The following JAZF1 variants were observed in gnomAD, a reference collection of about 807,000 sequenced individuals.
JAZF1 encodes JAZF zinc finger 1, also known as juxtaposed with another zinc finger protein 1.
Under a neutral mutation model 26.4 loss-of-function variants are expected in JAZF1, and 8 were observed. That is an observed-to-expected ratio of 0.30 (90% confidence interval 0.18 to 0.55). The LOEUF (loss-of-function observed/expected upper bound fraction) is 0.55. Among genes scored for constraint, JAZF1 ranks in the 20% least tolerant of loss-of-function variants. The pLI, the probability that JAZF1 is intolerant of heterozygous loss-of-function variation, is 0.94. For missense variants in JAZF1, 199 were observed against 322.0 expected (o/e 0.62, Z 2.92); for synonymous variants, 126 against 122.3 (o/e 1.03, Z -0.20).
chr7:28,160,212 G>A (rs1419819070), intron 1 of JAZF1, among the ~76,000 whole-genome samples: 2 of 152,044 alleles, frequency 1.3e-5, no homozygotes. Flanking sequence ...AAGGCTCCAG[G>A]ATATGGGGGT....
chr7:27,932,383 G>A (rs888146657), intron 2 of JAZF1, among the ~76,000 whole-genome samples: 1 of 152,120 alleles, frequency 6.6e-6, no homozygotes, highest in African/African-American at 2.4e-5. Context: ...GTGTTTGATA[G>A]GTGCTCCCAC....
chr7:27,901,740 A>G (rs1214377614), intron 2 of JAZF1, among the ~76,000 whole-genome samples: 3 of 152,192 alleles, frequency 2.0e-5, no homozygotes, highest in Non-Finnish European at 4.4e-5. Context: ...GGGCAAAGAA[A>G]CTGGTGGCCT....
At chr7:28,089,268 G>A (rs536100435) in intron 1 of JAZF1, among the ~76,000 whole-genome samples, 1 of 152,286 alleles carries the variant, frequency 6.6e-6, no homozygotes, top group East Asian at 1.9e-4. Flanking sequence ...GAGGGGACTT[G>A]AGAGAACTTG....
intron 2 of JAZF1, among the ~76,000 whole-genome samples, chr7:27,983,520 T>C (rs1361525543): frequency 1.3e-5 from 2 of 151,970 alleles, no homozygotes; most frequent in East Asian, 1.9e-4. Context: ...AACTGGAAAA[T>C]ACTCTGCAGG....
chr7:27,832,813 T>G lies in JAZF1; in HGVS notation c.719A>C (p.Lys240Thr), dbSNP rs1165975329. 21 of 1,593,606 alleles carry G rather than the reference T, an allele frequency of 1.3e-5. No individual in the cohort carries two copies. The highest frequency in any genetic ancestry group is 1.8e-5 in the Non-Finnish European group (21 of 1,168,334). The change falls in exon 5 of 5, where the codon AAG (lysine) becomes ACG (threonine). Residue 240 changes from lysine (K) to threonine (T), a missense_variant. Coordinates refer to ENST00000283928, the MANE Select transcript of JAZF1 (RefSeq NM_175061.4). ...ATGACCAGCATGTTATTGCTGCATC[T>G]TCCTGATAATCTCAGCCGACACCGG... is the stretch of plus-strand genomic sequence containing the variant. ...HPPVSAEIIR[K>T]MQQ is the part of the protein sequence containing the mutation.
intron 2 of JAZF1, among the ~76,000 whole-genome samples, chr7:27,959,735 A>C (rs1373261073): frequency 7.0e-6 from 1 of 143,800 alleles, no homozygotes; most frequent in African/African-American, 2.5e-5. Flanking sequence ...CACCATCTCT[A>C]CTAAAAATAA....
intron 4 of JAZF1, among the ~76,000 whole-genome samples, chr7:27,835,709 T>C (rs1782793709): frequency 6.6e-6 from 1 of 152,144 alleles, no homozygotes; most frequent in African/African-American, 2.4e-5. Flanking sequence ...CATCCAGCCA[T>C]TCAGTTACAG....
intron 1 of JAZF1, among the ~76,000 whole-genome samples, chr7:28,124,097 T>C (rs1182739514): frequency 1.3e-5 from 2 of 152,112 alleles, no homozygotes; most frequent in Admixed American, 1.3e-4. Flanking sequence ...AAAGTAACTA[T>C]TTGGAGATAG....
intron 3 of JAZF1, among the ~76,000 whole-genome samples, chr7:27,893,864 C>T (rs930199521): frequency 4.6e-5 from 7 of 152,138 alleles, no homozygotes; most frequent in South Asian, 2.1e-4. Flanking sequence ...GGGCTGGGCA[C>T]GCTCTGCTCA....
At chr7:28,018,145 A>C (rs556557486) in intron 1 of JAZF1, among the ~76,000 whole-genome samples, 2 of 152,334 alleles carry the variant, frequency 1.3e-5, no homozygotes, top group East Asian at 3.9e-4. Context: ...CAGCCAAGAC[A>C]GGAAGGGGTA....
intron 1 of JAZF1, among the ~76,000 whole-genome samples, chr7:28,018,348 C>T (rs17156201): frequency 2.9e-3 from 441 of 152,250 alleles, no homozygotes; most frequent in African/African-American, 0.01. Flanking sequence ...TGTGGGCCAC[C>T]GTTGGGAGTG....
chr7:28,011,875 A>C (rs1782805986), intron 1 of JAZF1, among the ~76,000 whole-genome samples: 1 of 152,110 alleles, frequency 6.6e-6, no homozygotes, highest in Non-Finnish European at 1.5e-5. Context: ...TCCCCATTCC[A>C]TTAAAAGGGA....
chr7:28,147,130 G>A (rs774688408), intron 1 of JAZF1, among the ~76,000 whole-genome samples: 1 of 150,856 alleles, frequency 6.6e-6, no homozygotes, highest in Non-Finnish European at 1.5e-5. Context: ...ATAGGCATGA[G>A]CCAGTGCACC....
At chr7:27,851,906 T>C (rs76744056) in intron 3 of JAZF1, among the ~76,000 whole-genome samples, 11,156 of 148,608 alleles carry the variant, frequency 0.075, 645 homozygotes, top group Middle Eastern at 0.12. Context: ...TTCTGAGTTA[T>C]GGACCCACAC....
At chr7:27,963,615 G>A (rs1462201212) in intron 2 of JAZF1, among the ~76,000 whole-genome samples, 2 of 142,412 alleles carry the variant, frequency 1.4e-5, no homozygotes, top group African/African-American at 5.4e-5. Flanking sequence ...AGGCTGGAGT[G>A]CAGTGGTGCA....
chr7:27,866,105 G>C (rs976475108), intron 3 of JAZF1, among the ~76,000 whole-genome samples: 1 of 152,248 alleles, frequency 6.6e-6, no homozygotes, highest in African/African-American at 2.4e-5. Flanking sequence ...TCTTCATCGA[G>C]TGAGGGCAGC....
chr7:27,830,904 C>CTAT lies in JAZF1; in HGVS notation c.*1893_*1895dup, dbSNP rs1554326522. On this transcript the variant is annotated 3_prime_UTR_variant, in exon 5 of 5. Coordinates refer to ENST00000283928, the MANE Select transcript of JAZF1 (RefSeq NM_175061.4). The stretch of plus-strand genomic sequence containing the variant: ...GAAAGAAATTTAACATGCACAATGA[C>CTAT]TATTTTATGACTGTTTAGCTGTTGA... 1.4e-5 allele frequency: 3 copies of CTAT among 215,672 alleles called. No homozygotes were observed. Among genetic ancestry groups the CTAT allele is most frequent in the Non-Finnish European group, 1.9e-5 (2 of 106,816 alleles). 13.4% of individuals were successfully genotyped at this position (215,672 alleles called of 1,614,324 possible).
At chr7:28,179,783 C>A (rs1343024662) in intron 1 of JAZF1, among the ~76,000 whole-genome samples, 9 of 147,460 alleles carry the variant, frequency 6.1e-5, no homozygotes, top group Non-Finnish European at 1.4e-4. Flanking sequence ...AGCTCCCCGG[C>A]CCCCGCCCGC....
chr7:27,943,249 T>C (rs995314233), intron 2 of JAZF1, among the ~76,000 whole-genome samples: 1 of 152,126 alleles, frequency 6.6e-6, no homozygotes, highest in African/African-American at 2.4e-5. Flanking sequence ...GCCTGGCCTA[T>C]GCAGACAGAA....
Sources: allele counts gnomAD v4.1 joint callset (sites outside exome capture counted in the v4.1 genomes callset), GRCh38; gene constraint gnomAD v4.1.1; transcripts MANE v1.5; gene names NCBI Gene and HGNC (gene_info 2026-07-23, HGNC 2026-07-21).